The following BICC1 variants were observed in gnomAD, a reference collection of about 807,000 sequenced individuals.
BICC1 encodes BicC family RNA binding protein 1, also known as protein bicaudal C homolog 1.
A neutral mutation model predicts 111.0 loss-of-function variants in BICC1; 43 were observed. That is an observed-to-expected ratio of 0.39 (90% confidence interval 0.30 to 0.50). The LOEUF is 0.50. Among genes scored for constraint, BICC1 ranks in the 20% least tolerant of loss-of-function variants. BICC1 has a pLI of 0.88. For missense variants in BICC1, 1,091 were observed against 1,203.2 expected (o/e 0.91, Z 1.38); for synonymous variants, 467 against 434.4 (o/e 1.07, Z -0.93).
intron 19 of BICC1, among the ~76,000 whole-genome samples, chr10:58,818,654 A>G (rs979146886): frequency 6.6e-5 from 10 of 152,062 alleles, no homozygotes; most frequent in South Asian, 4.1e-4. Context: ...TGAAAGGGCA[A>G]TTGTTGTGTG....
At chr10:58,526,675 G>A (rs1177852484) in intron 1 of BICC1, among the ~76,000 whole-genome samples, 2 of 152,136 alleles carry the variant, frequency 1.3e-5, no homozygotes, top group Non-Finnish European at 2.9e-5. Context: ...GAGAACATGC[G>A]GTGTTTGGTT....
At chr10:58,811,992 A>G (rs1802319161) in intron 17 of BICC1, among the ~76,000 whole-genome samples, 1 of 152,166 alleles carries the variant, frequency 6.6e-6, no homozygotes, top group African/African-American at 2.4e-5. Context: ...TGGATTATGG[A>G]GCCTGTCAGT....
intron 1 of BICC1, among the ~76,000 whole-genome samples, chr10:58,525,326 A>G (rs1208135545): frequency 8.7e-6 from 1 of 114,640 alleles, no homozygotes; most frequent in Non-Finnish European, 2.0e-5. Context: ...ATGTCCATCA[A>G]TGATAGACTG....
intron 3 of BICC1, among the ~76,000 whole-genome samples, chr10:58,726,212 A>G (rs941841327): frequency 6.6e-6 from 1 of 152,208 alleles, no homozygotes; most frequent in South Asian, 2.1e-4. Context: ...TTTCATTCAG[A>G]TAAGACTACC....
chr10:58,563,449 A>G (rs929631139), intron 1 of BICC1, among the ~76,000 whole-genome samples: 1 of 152,060 alleles, frequency 6.6e-6, no homozygotes, highest in Non-Finnish European at 1.5e-5. Context: ...CCTTTTCTCC[A>G]CAATGGAGAG....
At chr10:58,779,981 G>A (rs955720739) in intron 3 of BICC1, among the ~76,000 whole-genome samples, 1 of 151,994 alleles carries the variant, frequency 6.6e-6, no homozygotes, top group East Asian at 1.9e-4. Flanking sequence ...GGAACTACTT[G>A]CCGACTGTTG....
chr10:58,723,440 A>G (rs1260070978), intron 3 of BICC1, among the ~76,000 whole-genome samples: 1 of 152,190 alleles, frequency 6.6e-6, no homozygotes, highest in East Asian at 1.9e-4. Flanking sequence ...CTGAGGCTGC[A>G]TGGTATGAAC....
chr10:58,813,639 G>A (rs370134458), intron 17 of BICC1, among the ~76,000 whole-genome samples, 191 bp from the exon 18 acceptor site: 1 of 152,168 alleles, frequency 6.6e-6, no homozygotes, highest in Non-Finnish European at 1.5e-5. Flanking sequence ...AAATTACCAA[G>A]TGTCCTTGGT....
intron 1 of BICC1, among the ~76,000 whole-genome samples, chr10:58,596,593 A>G (rs1236382095): frequency 6.6e-6 from 1 of 152,190 alleles, no homozygotes; most frequent in Admixed American, 6.5e-5. Flanking sequence ...AGCGTATTCA[A>G]ATAGGAAGAG....
intron 2 of BICC1, among the ~76,000 whole-genome samples, chr10:58,646,223 T>C (rs1326964850): frequency 2.0e-5 from 3 of 152,202 alleles, no homozygotes; most frequent in African/African-American, 7.2e-5. Flanking sequence ...TGCAGACTAA[T>C]TTTGAAGGCT....
intron 1 of BICC1, among the ~76,000 whole-genome samples, chr10:58,605,155 C>T (rs1845167727): frequency 6.6e-6 from 1 of 152,144 alleles, no homozygotes; most frequent in Admixed American, 6.6e-5. Context: ...TTTGTATTCT[C>T]TTTGTGGTGT....
intron 2 of BICC1, among the ~76,000 whole-genome samples, chr10:58,659,410 G>C (rs949941174): frequency 1.3e-5 from 2 of 152,132 alleles, no homozygotes; most frequent in African/African-American, 4.8e-5. Flanking sequence ...CATAAAAAAA[G>C]AACAAGATTA....
chr10:58,748,777 C>T (rs1006076956), intron 3 of BICC1, among the ~76,000 whole-genome samples: 2 of 152,054 alleles, frequency 1.3e-5, no homozygotes, highest in African/African-American at 4.8e-5. Context: ...TGAGCCCTAC[C>T]CCCTGAGACT....
At chr10:58,717,680 C>T (rs1046318166) in intron 3 of BICC1, among the ~76,000 whole-genome samples, 55 of 152,166 alleles carry the variant, frequency 3.6e-4, no homozygotes, top group Non-Finnish European at 1.5e-4. Flanking sequence ...GTTGTTTTCT[C>T]TTTTGTCTAC....
intron 2 of BICC1, among the ~76,000 whole-genome samples, chr10:58,637,423 C>T (rs943925223): frequency 6.6e-6 from 1 of 152,096 alleles, no homozygotes; most frequent in African/African-American, 2.4e-5. Flanking sequence ...GGCAGCATGG[C>T]ATAAAAAGAA....
At chr10:58,639,340 A>C (rs1838047995) in intron 2 of BICC1, among the ~76,000 whole-genome samples, 1 of 152,124 alleles carries the variant, frequency 6.6e-6, no homozygotes, top group East Asian at 1.9e-4. Flanking sequence ...TATTTTCCTA[A>C]ATTCCCCAGT....
At chr10:58,823,207 T>C in intron 20 of BICC1, 2 of 984,984 alleles carry the variant, frequency 2.0e-6, no homozygotes, top group Non-Finnish European at 1.2e-6. Context: ...ATCTAACATT[T>C]CCCGACCTAT....
intron 1 of BICC1, among the ~76,000 whole-genome samples, chr10:58,615,462 C>T (rs1166475025): frequency 6.6e-6 from 1 of 152,258 alleles, no homozygotes; most frequent in South Asian, 2.1e-4. Flanking sequence ...AGGTGTCCAC[C>T]CACATGAGCT....
chr10:58,522,801 C>T (rs952133792), intron 1 of BICC1, among the ~76,000 whole-genome samples: 6 of 151,788 alleles, frequency 4.0e-5, no homozygotes, highest in South Asian at 2.1e-4. Context: ...ATGGATAGAC[C>T]GTTAGCAAGA....
Sources: gnomAD v4.1 joint callset for allele counts (sites outside exome capture counted in the v4.1 genomes callset) on GRCh38, gnomAD v4.1.1 for gene constraint, MANE v1.5 for transcripts, NCBI Gene and HGNC (gene_info 2026-07-23, HGNC 2026-07-21) for gene names.